Variants in ARHGAP19 observed in about 807,000 individuals in gnomAD.
ARHGAP19 encodes rho GTPase-activating protein 19.
In ARHGAP19, 48 loss-of-function variants were observed where a neutral mutation model predicts 60.9. The ratio of observed to expected loss-of-function variants is 0.79; its 90% CI spans 0.62 to 1.00. The LOEUF is 1.00. Ranked by LOEUF, ARHGAP19 falls within the 50% of genes least tolerant of loss-of-function variation. The pLI is 0.00. For synonymous variants in ARHGAP19, 209 were observed against 215.5 expected (o/e 0.97, Z 0.27); for missense variants, 562 against 597.2 (o/e 0.94, Z 0.61).
chr10:97,268,413 A>G (rs1038944288), intron 1 of ARHGAP19, among the ~76,000 whole-genome samples: 4 of 152,116 alleles, frequency 2.6e-5, no homozygotes, highest in African/African-American at 9.7e-5. Flanking sequence ...TCGCTTCCAC[A>G]TTTTCAGGTA....
At chr10:97,243,883 G>T in intron 8 of ARHGAP19, 85 bp downstream of exon 8, 1 of 1,317,180 alleles carries the variant, frequency 7.6e-7, no homozygotes, top group South Asian at 1.5e-5. Context: ...AAAATTAAAT[G>T]AGATTCTTAA....
chr10:97,248,158 T>C (rs1310304017), intron 6 of ARHGAP19, among the ~76,000 whole-genome samples: 2 of 151,910 alleles, frequency 1.3e-5, no homozygotes, highest in Non-Finnish European at 2.9e-5. Flanking sequence ...AGAGACGGGG[T>C]TTCACCCCGC....
At chr10:97,242,118 G>A (rs1842493629) in intron 8 of ARHGAP19, among the ~76,000 whole-genome samples, 1 of 150,370 alleles carries the variant, frequency 6.7e-6, no homozygotes, top group Non-Finnish European at 1.5e-5. Context: ...GTCATGTTTA[G>A]TGAAAAAAGG....
At chr10:97,261,844 G>A (rs975507414) in intron 4 of ARHGAP19, among the ~76,000 whole-genome samples, 9 of 152,110 alleles carry the variant, frequency 5.9e-5, no homozygotes, top group East Asian at 1.9e-4. Flanking sequence ...CATAACAGAC[G>A]TGCAATTTAA....
intron 4 of ARHGAP19, 130 bp from the exon 5 acceptor site, chr10:97,259,758 T>A (rs1187306716): frequency 1.5e-6 from 1 of 673,304 alleles, no homozygotes; most frequent in African/African-American, 1.8e-5. Flanking sequence ...GAAACACAAT[T>A]CAAAGACTAC....
chr10:97,286,776 CTTTT>C (rs1409074979), intron 1 of ARHGAP19, among the ~76,000 whole-genome samples: 1 of 152,196 alleles, frequency 6.6e-6, no homozygotes, highest in Non-Finnish European at 1.5e-5. Flanking sequence ...TTAGCACTTT[CTTTT>C]TAAGTCTCTT....
At position 97,279,359 on chromosome 10, in the gene ARHGAP19, G is replaced by A. The variant is rs1484158444; in HGVS notation, c.56+13213C>T. On this transcript the variant is annotated intron_variant, in intron 1 of 11. Coordinates refer to ENST00000358531, the MANE Select transcript of ARHGAP19 (RefSeq NM_032900.6). ...AAGGTCTGCCCTTAGGAGTAGCTGT[G>A]CAATGTTTTATAGTATGGACTACAA... is the stretch of plus-strand genomic sequence containing the variant. Among the ~76,000 whole-genome samples the A allele has an allele frequency of 2.0e-5, 3 of 152,248 alleles. No individual in the cohort carries two copies. The East Asian group carries it at 5.8e-4, about 29-fold the overall frequency.
At chr10:97,287,198 G>C (rs1354178113) in intron 1 of ARHGAP19, among the ~76,000 whole-genome samples, 1 of 152,086 alleles carries the variant, frequency 6.6e-6, no homozygotes, top group Non-Finnish European at 1.5e-5. Flanking sequence ...TCCTGTCTCT[G>C]CCTCCCCCTC....
At chr10:97,244,251 TG>T in intron 7 of ARHGAP19, 92 bp from the exon 8 acceptor site, 1 of 1,004,104 alleles carries the variant, frequency 1.0e-6, no homozygotes. Flanking sequence ...AAAGGGAGAG[TG>T]GGGACATGGT....
At chr10:97,259,320 A>G (rs1736490169) in intron 5 of ARHGAP19, 82 bp downstream of exon 5, 1 of 1,123,654 alleles carries the variant, frequency 8.9e-7, no homozygotes. Flanking sequence ...TGGACCCTTG[A>G]TAATCTCACC....
At chr10:97,250,535 C>G (rs1253394) in intron 6 of ARHGAP19, among the ~76,000 whole-genome samples, 35,688 of 151,552 alleles carry the variant, frequency 0.24, 4,600 homozygotes, top group Non-Finnish European at 0.3. Context: ...AGGCGCCCAC[C>G]ACCACGCCCG....
In ARHGAP19 at chr10:97,233,876, A is replaced by G. The variant is rs77918067; in HGVS notation, c.1284+1341T>C. 1.4e-4 allele frequency among the ~76,000 whole-genome samples: 21 copies of G among 151,292 alleles called. No homozygotes were observed. In the East Asian group the frequency reaches 3.9e-3, roughly 28 times the overall value. On this transcript the variant is annotated intron_variant, in intron 9 of 11. Coordinates refer to ENST00000358531, the MANE Select transcript of ARHGAP19 (RefSeq NM_032900.6). ...GAGAGAGACTCCATCTAAAAAAAAA[A>G]AGTGGGAGCTAAACAATGAGAACAC...
At chr10:97,236,803 G>GGA (rs1157260982) in intron 8 of ARHGAP19, among the ~76,000 whole-genome samples, 30 of 80,018 alleles carry the variant, frequency 3.7e-4, no homozygotes, top group Non-Finnish European at 6.4e-4. Flanking sequence ...AACAGACTCA[G>GGA]AAAAAAAAAA....
intron 1 of ARHGAP19, among the ~76,000 whole-genome samples, 199 bp downstream of exon 1, chr10:97,292,373 G>C (rs534670254): frequency 6.6e-6 from 1 of 152,366 alleles, no homozygotes; most frequent in East Asian, 1.9e-4. Flanking sequence ...GCACCGGCAG[G>C]ACCGAGCGGG....
chr10:97,286,532 C>T (rs1843157560), intron 1 of ARHGAP19, among the ~76,000 whole-genome samples: 2 of 152,218 alleles, frequency 1.3e-5, no homozygotes, highest in Non-Finnish European at 2.9e-5. Context: ...GCGGAGGTTG[C>T]AGTGAGGCAC....
At chr10:97,258,967 C>A (rs1178790065) in intron 5 of ARHGAP19, among the ~76,000 whole-genome samples, 2 of 152,178 alleles carry the variant, frequency 1.3e-5, no homozygotes, top group African/African-American at 4.8e-5. Context: ...CAGGATTGCT[C>A]CAAGTGTCAT....
At chr10:97,284,950 G>A (rs758578782) in intron 1 of ARHGAP19, among the ~76,000 whole-genome samples, 6 of 139,940 alleles carry the variant, frequency 4.3e-5, no homozygotes, top group Admixed American at 7.9e-5. Context: ...CACAACCTCC[G>A]CCTCCCAGGT....
intron 1 of ARHGAP19, among the ~76,000 whole-genome samples, chr10:97,281,661 G>GA (rs1843087815): frequency 6.6e-6 from 1 of 152,146 alleles, no homozygotes; most frequent in Non-Finnish European, 1.5e-5. Context: ...TCCAGGAACT[G>GA]AAAATTCACT....
intron 6 of ARHGAP19, among the ~76,000 whole-genome samples, chr10:97,251,982 C>CAGA (rs1392929985): frequency 6.6e-6 from 1 of 151,402 alleles, no homozygotes; most frequent in Non-Finnish European, 1.5e-5. Context: ...AGAGAAACAA[C>CAGA]AGAAGGACTG....
Sources: allele counts gnomAD v4.1 joint callset (sites outside exome capture counted in the v4.1 genomes callset), GRCh38; gene constraint gnomAD v4.1.1; transcripts MANE v1.5; gene names NCBI Gene and HGNC (gene_info 2026-07-23, HGNC 2026-07-21).